Variants in RAB1A observed in about 807,000 individuals in gnomAD.
RAB1A encodes the protein RAB1A, member RAS oncogene family.
A neutral mutation model predicts 26.0 loss-of-function variants in RAB1A; 2 were observed. That is an observed-to-expected ratio of 0.08 (90% CI 0.03 to 0.24). The LOEUF is 0.24. Among genes scored for constraint, RAB1A ranks in the 10% least tolerant of loss-of-function variants. RAB1A has a pLI of 1.00. For missense variants in RAB1A, 100 were observed against 247.0 expected (o/e 0.40, Z 3.99); for synonymous variants, 84 against 84.9 (o/e 0.99, Z 0.06).
At chr2:65,094,204 A>G (rs1195579579) in intron 3 of RAB1A, among the ~76,000 whole-genome samples, 2 of 151,906 alleles carry the variant, frequency 1.3e-5, no homozygotes, top group African/African-American at 4.8e-5. Context: ...TCCTGAACTC[A>G]AGAGATCTGC....
At chr2:65,124,532 C>T (rs1451218659) in intron 1 of RAB1A, among the ~76,000 whole-genome samples, 1 of 152,156 alleles carries the variant, frequency 6.6e-6, no homozygotes, top group Non-Finnish European at 1.5e-5. Context: ...ACTGCAATGC[C>T]CACCTCCAGG....
chr2:65,115,587 TAAAC>T (rs1038627626), intron 1 of RAB1A, among the ~76,000 whole-genome samples: 2 of 152,124 alleles, frequency 1.3e-5, no homozygotes, highest in African/African-American at 2.4e-5. Flanking sequence ...TAAAAAAAAT[TAAAC>T]AATCCTTCAG....
intron 1 of RAB1A, among the ~76,000 whole-genome samples, chr2:65,127,383 C>T (rs765796368): frequency 9.9e-5 from 15 of 152,200 alleles, no homozygotes; most frequent in Non-Finnish European, 2.2e-4. Flanking sequence ...TCTTGTTGCT[C>T]TCATCCATGC....
intron 4 of RAB1A, 76 bp from the exon 5 acceptor site, chr2:65,089,146 C>T: frequency 2.2e-6 from 3 of 1,335,386 alleles, no homozygotes. Flanking sequence ...TCGTTCCTGA[C>T]CTAACAGACA....
intron 3 of RAB1A, among the ~76,000 whole-genome samples, chr2:65,092,502 T>C (rs1055408029): frequency 1.3e-5 from 2 of 152,178 alleles, no homozygotes; most frequent in African/African-American, 4.8e-5. Flanking sequence ...TGCCTGACTA[T>C]AGAAGCTGCT....
chr2:65,107,569 C>T (rs1669590733), intron 1 of RAB1A, among the ~76,000 whole-genome samples: 1 of 152,084 alleles, frequency 6.6e-6, no homozygotes, highest in Non-Finnish European at 1.5e-5. Context: ...TCACTGCAAC[C>T]TCTGCCTCCA....
At chr2:65,105,967 G>A (rs1235127261) in intron 1 of RAB1A, among the ~76,000 whole-genome samples, 5 of 152,056 alleles carry the variant, frequency 3.3e-5, no homozygotes, top group Admixed American at 2.6e-4. Flanking sequence ...TCACCGTGTT[G>A]GCCAGGATGG....
intron 1 of RAB1A, among the ~76,000 whole-genome samples, chr2:65,112,374 T>G (rs1049051611): frequency 6.6e-6 from 1 of 152,042 alleles, no homozygotes; most frequent in Non-Finnish European, 1.5e-5. Context: ...CTCAAACTCC[T>G]GACCTCAAGT....
intron 3 of RAB1A, among the ~76,000 whole-genome samples, chr2:65,093,695 T>TCACTGCAATCTCCGCCTCCTG (rs1305543563): frequency 4.0e-5 from 6 of 150,982 alleles, no homozygotes; most frequent in Non-Finnish European, 7.4e-5. Context: ...CAATCTTGGC[T>TCACTGCAATCTCCGCCTCCTG]CACTGCAATC....
chr2:65,125,092 G>A (rs889006377), intron 1 of RAB1A, among the ~76,000 whole-genome samples: 24 of 147,816 alleles, frequency 1.6e-4, no homozygotes, highest in Non-Finnish European at 2.8e-4. Flanking sequence ...AGTATAACAT[G>A]AAAGAAGAGC....
intron 2 of RAB1A, among the ~76,000 whole-genome samples, chr2:65,103,304 A>AAAAAAAAAAAAAAC (rs757626011): frequency 8.9e-6 from 1 of 112,500 alleles, no homozygotes; most frequent in Admixed American, 1.0e-4. Flanking sequence ...TGTCTCAAAA[A>AAAAAAAAAAAAAAC]AAAAAAAAAA....
intron 3 of RAB1A, among the ~76,000 whole-genome samples, chr2:65,092,340 A>C (rs1669190154): frequency 6.6e-6 from 1 of 152,162 alleles, no homozygotes; most frequent in South Asian, 2.1e-4. Flanking sequence ...CTCGAGGATC[A>C]AGCTACCCTG....
Position 65,091,001 on chromosome 2 carries a change from C to T in RAB1A, c.270G>A (p.Val90=). Residue 90 remains valine, a synonymous_variant, in exon 4 of 6, where the codon GTG becomes GTA. Transcript: ENST00000409784. ...YYRGAHGIIV[V]YDVTDQESFN... ...AACTTACCTGATCTGTCACATCATA[C>T]ACAACTATGATGCCATGGGCTCCTC... The T allele has an allele frequency of 1.2e-6, 2 of 1,610,784 alleles. No individual in the cohort carries two copies. Among genetic ancestry groups the T allele is most frequent in the Non-Finnish European group, 1.7e-6 (2 of 1,177,448 alleles).
chr2:65,118,416 G>GA (rs111885504), intron 1 of RAB1A, among the ~76,000 whole-genome samples: 140 of 150,940 alleles, frequency 9.3e-4, no homozygotes, highest in Admixed American at 2.1e-3. Context: ...TTAAAAAACA[G>GA]AAAAAAAAAC....
intron 1 of RAB1A, chr2:65,114,255 T>G: frequency 3.4e-6 from 1 of 290,898 alleles, no homozygotes; most frequent in South Asian, 3.3e-5. Context: ...TTAACCCAAC[T>G]TTCAACATTC....
At chr2:65,128,072 A>C (rs1184008927) in intron 1 of RAB1A, among the ~76,000 whole-genome samples, 1 of 152,156 alleles carries the variant, frequency 6.6e-6, no homozygotes, top group Non-Finnish European at 1.5e-5. Flanking sequence ...TATATTCCTA[A>C]ATCCTGGTAC....
In RAB1A at chr2:65,118,758, G is replaced by A. The variant is rs181281272; in HGVS notation, c.23+11135C>T. ...CTCCCAAAGTGCTAGGACTACAGGCGTCAGCCCCCGCACCCGGCCCAAAGG... is the reference window on the plus strand; with the variant it reads ...CTCCCAAAGTGCTAGGACTACAGGCATCAGCCCCCGCACCCGGCCCAAAGG... On this transcript the variant is annotated intron_variant, in intron 1 of 5. Transcript: ENST00000409784. Among the ~76,000 whole-genome samples the A allele has an allele frequency of 3.9e-5, 6 of 152,276 alleles. No individual in the cohort carries two copies. The East Asian group carries it at 1.2e-3, about 29-fold the overall frequency.
chr2:65,121,235 G>GAAAAAAA (rs34280362), intron 1 of RAB1A, among the ~76,000 whole-genome samples: 1 of 91,396 alleles, frequency 1.1e-5, no homozygotes. Flanking sequence ...ATCATGTCTC[G>GAAAAAAA]AAAAAAAAAA....
intron 1 of RAB1A, among the ~76,000 whole-genome samples, chr2:65,115,179 G>A (rs1280051226): frequency 6.6e-6 from 1 of 152,168 alleles, no homozygotes; most frequent in Non-Finnish European, 1.5e-5. Context: ...TTCTGTTATA[G>A]CAGCAGAAAA....
Sources: allele counts gnomAD v4.1 joint callset (sites outside exome capture counted in the v4.1 genomes callset), GRCh38; gene constraint gnomAD v4.1.1; transcripts MANE v1.5; gene names NCBI Gene and HGNC (gene_info 2026-07-23, HGNC 2026-07-21).